SNTG2: variants seen among roughly 807,000 people sequenced by gnomAD.
SNTG2 encodes the protein syntrophin gamma 2.
A neutral mutation model predicts 70.9 loss-of-function variants in SNTG2; 74 were observed. The observed-to-expected ratio is 1.04, with a 90% CI of 0.86 to 1.27. The LOEUF (loss-of-function observed/expected upper bound fraction) is 1.27. SNTG2 is among the 50% of genes most tolerant of loss of function. The pLI, the probability that SNTG2 is intolerant of heterozygous loss-of-function variation, is 0.00. For synonymous variants in SNTG2, 278 were observed against 273.8 expected, an observed-to-expected ratio of 1.02 and a Z score of -0.15; for missense variants, 717 against 690.7, an observed-to-expected ratio of 1.04 and a Z score of -0.43.
At chr2:1,257,033 A>G (rs1410101599) in intron 12 of SNTG2, among the ~76,000 whole-genome samples, 2 of 151,892 alleles carry the variant, frequency 1.3e-5, no homozygotes, top group Non-Finnish European at 2.9e-5. Context: ...TGGAAGGTGA[A>G]GAGTAGCCTG....
At chr2:1,181,358 A>G (rs550136864) in intron 8 of SNTG2, among the ~76,000 whole-genome samples, 1 of 152,316 alleles carries the variant, frequency 6.6e-6, no homozygotes, top group African/African-American at 2.4e-5. Context: ...CTTTCTTGAA[A>G]GAGGTGAGTT....
chr2:1,319,639 C>A (rs1204548594), intron 16 of SNTG2, among the ~76,000 whole-genome samples: 3 of 152,198 alleles, frequency 2.0e-5, no homozygotes, highest in Non-Finnish European at 2.9e-5. Flanking sequence ...AAGGGCCTCA[C>A]AGCTTACACA....
At chr2:1,235,783 T>C (rs1676610633) in intron 9 of SNTG2, among the ~76,000 whole-genome samples, 1 of 152,204 alleles carries the variant, frequency 6.6e-6, no homozygotes, top group Non-Finnish European at 1.5e-5. Context: ...AACAGGCTCT[T>C]CTGAAAGAAT....
At chr2:1,007,916 G>T (rs1368254601) in intron 1 of SNTG2, among the ~76,000 whole-genome samples, 1 of 152,074 alleles carries the variant, frequency 6.6e-6, no homozygotes, top group African/African-American at 2.4e-5. Flanking sequence ...CACTGCACCT[G>T]GTTAATTTTA....
At position 1,267,652 on chromosome 2, in the gene SNTG2, A is replaced by T. The variant is rs996107656; in HGVS notation, c.1284+81A>T. On this transcript the variant is annotated intron_variant, in intron 14 of 16. Transcript: ENST00000308624. ...AGCATTGGGGAATATGTAGCAGTTT[A>T]TCGGGGGAAAAGAGGAATCTTCAGA... The T allele has an allele frequency of 2.8e-4, 362 of 1,277,416 alleles. 1 individual carries two copies. Among genetic ancestry groups the T allele is most frequent in the Non-Finnish European group, 3.1e-5 (28 of 900,504 alleles). 79.1% of individuals were successfully genotyped at this position (1,277,416 alleles called of 1,614,324 possible). A position where few individuals can be genotyped will look rare whatever the true frequency, so the allele number is the denominator to read the frequency against.
intron 16 of SNTG2, among the ~76,000 whole-genome samples, chr2:1,337,761 A>G (rs1190229255): frequency 1.3e-5 from 2 of 152,176 alleles, no homozygotes; most frequent in African/African-American, 2.4e-5. Context: ...TTTGTGTCAT[A>G]TCCAAGAAAT....
At chr2:1,151,012 C>T (rs528861015) in intron 6 of SNTG2, among the ~76,000 whole-genome samples, 176 of 152,250 alleles carry the variant, frequency 1.2e-3, no homozygotes, top group Middle Eastern at 6.8e-3. Flanking sequence ...CTGGGTGATG[C>T]ATTTGATTTG....
At chr2:1,008,910 A>G (rs1239696763) in intron 1 of SNTG2, among the ~76,000 whole-genome samples, 2 of 152,222 alleles carry the variant, frequency 1.3e-5, no homozygotes. Context: ...ATTTGACAGA[A>G]AGTGCTGTTT....
intron 10 of SNTG2, among the ~76,000 whole-genome samples, chr2:1,239,299 C>A: frequency 6.6e-6 from 1 of 152,170 alleles, no homozygotes; most frequent in East Asian, 1.9e-4. Context: ...TGATTCTGCA[C>A]CTCCACTTCC....
intron 1 of SNTG2, among the ~76,000 whole-genome samples, chr2:1,074,253 G>A (rs1663777022): frequency 6.6e-6 from 1 of 152,190 alleles, no homozygotes; most frequent in Admixed American, 6.5e-5. Context: ...CTCAGGGGTA[G>A]GAACACTGCC....
chr2:981,776 C>T (rs1661106531), intron 1 of SNTG2, among the ~76,000 whole-genome samples: 1 of 152,188 alleles, frequency 6.6e-6, no homozygotes, highest in South Asian at 2.1e-4. Flanking sequence ...ACACATGCCC[C>T]CACACTTGCA....
intron 1 of SNTG2, among the ~76,000 whole-genome samples, chr2:1,071,674 T>C (rs1337152521): frequency 6.7e-6 from 1 of 149,332 alleles, no homozygotes. Context: ...CTAGAGAAGA[T>C]CAAGCTTAGT....
chr2:1,241,974 A>T (rs1677080083), intron 11 of SNTG2, among the ~76,000 whole-genome samples: 1 of 152,226 alleles, frequency 6.6e-6, no homozygotes, highest in African/African-American at 2.4e-5. Flanking sequence ...GTAATATAAG[A>T]AAGTTGTACT....
At chr2:1,121,928 T>C (rs1387604627) in intron 4 of SNTG2, among the ~76,000 whole-genome samples, 4 of 152,112 alleles carry the variant, frequency 2.6e-5, no homozygotes, top group African/African-American at 9.7e-5. Flanking sequence ...GTGAAGGCAT[T>C]ACCATGGACA....
At chr2:1,052,050 T>C (rs1662107887) in intron 1 of SNTG2, among the ~76,000 whole-genome samples, 1 of 148,540 alleles carries the variant, frequency 6.7e-6, no homozygotes, top group South Asian at 2.2e-4. Context: ...TTATTTAGGA[T>C]TTTTTTTATT....
intron 8 of SNTG2, among the ~76,000 whole-genome samples, chr2:1,208,052 G>A (rs543195381): frequency 6.6e-6 from 1 of 152,328 alleles, no homozygotes; most frequent in South Asian, 2.1e-4. Context: ...CGGCGCCCCT[G>A]CTTACAGAAA....
chr2:1,037,403 TCAGTGTTTTTATTATATTCA>T (rs1661191803), intron 1 of SNTG2, among the ~76,000 whole-genome samples: 1 of 152,180 alleles, frequency 6.6e-6, no homozygotes, highest in African/African-American at 2.4e-5. Flanking sequence ...AGGGTGTGAT[TCAGTGTTTTTATTATATTCA>T]CAGAGTTGTG....
intron 1 of SNTG2, among the ~76,000 whole-genome samples, chr2:1,000,587 C>T (rs1661832769): frequency 6.6e-6 from 1 of 151,560 alleles, no homozygotes; most frequent in Admixed American, 6.6e-5. Context: ...AATAGAAATC[C>T]TGAACAACCC....
intron 16 of SNTG2, among the ~76,000 whole-genome samples, chr2:1,363,520 C>T (rs1190615137): frequency 2.0e-5 from 3 of 152,172 alleles, no homozygotes; most frequent in African/African-American, 7.2e-5. Flanking sequence ...CTGTTTCCTG[C>T]ACAGAGAGCC....
Sources: gnomAD v4.1 joint callset for allele counts (sites outside exome capture counted in the v4.1 genomes callset) on GRCh38, gnomAD v4.1.1 for gene constraint, MANE v1.5 for transcripts, NCBI Gene and HGNC (gene_info 2026-07-23, HGNC 2026-07-21) for gene names.